Variants in UBL3 observed in about 807,000 individuals in gnomAD.
UBL3 encodes ubiquitin-like protein 3.
A neutral mutation model predicts 18.4 loss-of-function variants in UBL3; 6 were observed. That is an observed-to-expected ratio of 0.33 (90% CI 0.18 to 0.64). The LOEUF is 0.64. UBL3 is among the 30% of genes least tolerant of loss of function. The pLI, the probability that UBL3 is intolerant of heterozygous loss-of-function variation, is 0.76. For synonymous variants in UBL3, 49 were observed against 46.6 expected, an observed-to-expected ratio of 1.05 and a Z score of -0.21; for missense variants, 109 against 142.9, an observed-to-expected ratio of 0.76 and a Z score of 1.21.
In UBL3 at chr13:29,850,452, G is replaced by A. The variant is rs1593682314; in HGVS notation, c.-914C>T. The A allele has an allele frequency of 1.3e-5, 2 of 153,016 alleles. No individual in the cohort carries two copies. The highest frequency in any genetic ancestry group is 1.3e-4 in the Admixed American group (2 of 15,290). 9.5% of individuals were successfully genotyped at this position (153,016 alleles called of 1,614,324 possible). A position where few individuals can be genotyped will look rare whatever the true frequency, so the allele number is the denominator to read the frequency against. The stretch of plus-strand genomic sequence containing the variant: ...CCGACTTCGGCTGGTCCCCGGAAGA[G>A]GCCGGGTCCTCCTTCTCCTCAGCCC... On this transcript the variant is annotated 5_prime_UTR_variant, in exon 1 of 5. Transcript: ENST00000380680.
At chr13:29,772,245 T>A in intron 2 of UBL3, 47 bp from the exon 3 acceptor site, 1 of 1,492,020 alleles carries the variant, frequency 6.7e-7, no homozygotes, top group Non-Finnish European at 9.2e-7. Context: ...AACATATAAT[T>A]AAGGTACTAC....
At chr13:29,775,861 C>T (rs1388757552) in intron 2 of UBL3, among the ~76,000 whole-genome samples, 4 of 152,094 alleles carry the variant, frequency 2.6e-5, no homozygotes, top group Non-Finnish European at 4.4e-5. Context: ...AAGTGATCTG[C>T]CTGTCTCAGC....
At chr13:29,842,861 T>C (rs1472536748) in intron 1 of UBL3, among the ~76,000 whole-genome samples, 1 of 152,198 alleles carries the variant, frequency 6.6e-6, no homozygotes, top group Non-Finnish European at 1.5e-5. Flanking sequence ...AAAACAGATA[T>C]GATCAAGTCC....
chr13:29,823,928 A>G (rs1328626231), intron 1 of UBL3, among the ~76,000 whole-genome samples: 3 of 144,980 alleles, frequency 2.1e-5, no homozygotes, highest in African/African-American at 7.7e-5. Context: ...TCATTGTTCA[A>G]TTCCCACCTA....
intron 1 of UBL3, among the ~76,000 whole-genome samples, chr13:29,781,627 A>G (rs1396724802): frequency 6.6e-6 from 1 of 151,776 alleles, no homozygotes; most frequent in Non-Finnish European, 1.5e-5. Flanking sequence ...TGCATGGGGG[A>G]AAAATGTAAA....
intron 1 of UBL3, among the ~76,000 whole-genome samples, chr13:29,827,155 T>A (rs989594194): frequency 6.6e-6 from 1 of 152,242 alleles, no homozygotes; most frequent in Non-Finnish European, 1.5e-5. Context: ...GAAGAATGTA[T>A]ATTCTGCTGA....
intron 1 of UBL3, among the ~76,000 whole-genome samples, chr13:29,835,096 ATATATATATAAATATATATATAT>A (rs1878890224): frequency 4.0e-5 from 1 of 24,870 alleles, no homozygotes; most frequent in Non-Finnish European, 6.9e-5. Context: ...ATAAATATAT[ATATATATATAAATATATATATAT>A]ATATAAATAT....
chr13:29,846,955 C>A (rs1427858052), intron 1 of UBL3, among the ~76,000 whole-genome samples: 1 of 152,152 alleles, frequency 6.6e-6, no homozygotes, highest in African/African-American at 2.4e-5. Context: ...ATTAGCTTTG[C>A]TGTGGGAGTG....
At chr13:29,772,321 C>A in intron 2 of UBL3, 123 bp from the exon 3 acceptor site, 1 of 617,756 alleles carries the variant, frequency 1.6e-6, no homozygotes, top group East Asian at 3.1e-5. Context: ...GAGCTTCCTA[C>A]TACTATTAGA....
intron 1 of UBL3, among the ~76,000 whole-genome samples, chr13:29,796,524 T>C (rs970047407): frequency 6.6e-6 from 1 of 152,158 alleles, no homozygotes; most frequent in African/African-American, 2.4e-5. Context: ...AACCTTAAAT[T>C]CTCATAAATG....
chr13:29,772,053 C>A, intron 3 of UBL3, 59 bp downstream of exon 3: 1 of 1,420,358 alleles, frequency 7.0e-7, no homozygotes. Flanking sequence ...ACATTTAAAA[C>A]AAGCGAATCA....
At chr13:29,828,371 T>C (rs1170204050) in intron 1 of UBL3, among the ~76,000 whole-genome samples, 1 of 152,090 alleles carries the variant, frequency 6.6e-6, no homozygotes, top group Non-Finnish European at 1.5e-5. Context: ...GGAGGCTTTG[T>C]TCGTTTTTTA....
At chr13:29,786,117 G>A (rs1007128544) in intron 1 of UBL3, among the ~76,000 whole-genome samples, 11 of 152,146 alleles carry the variant, frequency 7.2e-5, no homozygotes, top group African/African-American at 1.4e-4. Flanking sequence ...ACTCTAGTAA[G>A]CAGATAAGCT....
chr13:29,786,345 G>T (rs914475596), intron 1 of UBL3, among the ~76,000 whole-genome samples: 2 of 152,110 alleles, frequency 1.3e-5, no homozygotes, highest in African/African-American at 2.4e-5. Context: ...CTTTACACAG[G>T]TTTTTCCTTC....
intron 1 of UBL3, among the ~76,000 whole-genome samples, chr13:29,817,989 G>A (rs899506996): frequency 6.6e-6 from 1 of 152,150 alleles, no homozygotes; most frequent in South Asian, 2.1e-4. Context: ...ATCTGACATA[G>A]CTCCTAGTTT....
chr13:29,830,813 A>T (rs996398179), intron 1 of UBL3, among the ~76,000 whole-genome samples: 1 of 152,236 alleles, frequency 6.6e-6, no homozygotes, highest in African/African-American at 2.4e-5. Flanking sequence ...CACATACTGA[A>T]TCCTTCTATG....
At chr13:29,784,585 C>T (rs754752534) in intron 1 of UBL3, among the ~76,000 whole-genome samples, 18 of 151,334 alleles carry the variant, frequency 1.2e-4, no homozygotes, top group South Asian at 2.1e-4. Context: ...AAAAACAACT[C>T]CCGACTTATA....
rs1876683639 is a variant in UBL3 at position 29,766,453 on chromosome 13, A to G, written c.*802T>C. ...ATGAGGTTTTCTAATATTTCTGCAC[A>G]ATAATGAAAGCCGATGAGTGACTGA... On this transcript the variant is annotated 3_prime_UTR_variant, in exon 5 of 5. Coordinates refer to ENST00000380680, the MANE Select transcript of UBL3 (RefSeq NM_007106.4). The G allele has an allele frequency of 1.3e-5, 2 of 152,602 alleles. No homozygotes were observed. The highest frequency in any genetic ancestry group is 1.3e-4 in the Admixed American group (2 of 15,260). The allele number at this position is 152,602 out of a possible 1,614,324, so 9.5% of individuals were successfully genotyped here. A position where few individuals can be genotyped will look rare whatever the true frequency, so the allele number is the denominator to read the frequency against.
At chr13:29,786,180 T>C (rs1398591090) in intron 1 of UBL3, among the ~76,000 whole-genome samples, 1 of 152,168 alleles carries the variant, frequency 6.6e-6, no homozygotes, top group Non-Finnish European at 1.5e-5. Context: ...ACCATATCAC[T>C]CTACTAAAGA....
Sources: gnomAD v4.1 joint callset for allele counts (sites outside exome capture counted in the v4.1 genomes callset) on GRCh38, gnomAD v4.1.1 for gene constraint, MANE v1.5 for transcripts, NCBI Gene and HGNC (gene_info 2026-07-23, HGNC 2026-07-21) for gene names.